KCNH1: variants seen among roughly 807,000 people sequenced by gnomAD.
KCNH1 encodes the protein potassium voltage-gated channel subfamily H member 1, also known as voltage-gated delayed rectifier potassium channel KCNH1.
In KCNH1, 27 loss-of-function variants were observed where a neutral mutation model predicts 69.2. The ratio of observed to expected loss-of-function variants is 0.39; its 90% confidence interval spans 0.29 to 0.54. KCNH1 has a LOEUF of 0.54. Ranked by LOEUF, KCNH1 falls within the 20% of genes least tolerant of loss-of-function variation. The pLI is 0.68. For missense variants in KCNH1, 798 were observed against 1,261.6 expected, an observed-to-expected ratio of 0.63 and a Z score of 5.57; for synonymous variants, 456 against 487.7, an observed-to-expected ratio of 0.93 and a Z score of 0.86.
At chr1:211,097,112 A>T (rs756171700) in intron 3 of KCNH1, among the ~76,000 whole-genome samples, 22 of 152,234 alleles carry the variant, frequency 1.4e-4, no homozygotes, top group Non-Finnish European at 2.5e-4. Context: ...AAACAAACCC[A>T]CATATGTGTG....
chr1:210,912,282 C>G (rs188867803), intron 7 of KCNH1, among the ~76,000 whole-genome samples: 6 of 152,146 alleles, frequency 3.9e-5, no homozygotes, highest in African/African-American at 1.2e-4. Context: ...TGTCCTGTCC[C>G]GTGAAGATCC....
At chr1:210,973,117 G>T (rs909324658) in intron 6 of KCNH1, among the ~76,000 whole-genome samples, 1 of 151,774 alleles carries the variant, frequency 6.6e-6, no homozygotes, top group Non-Finnish European at 1.5e-5. Flanking sequence ...TACCCTTTTA[G>T]CCCAACTTCT....
intron 7 of KCNH1, among the ~76,000 whole-genome samples, chr1:210,876,651 C>A (rs1355893324): frequency 6.6e-6 from 1 of 152,102 alleles, no homozygotes; most frequent in Non-Finnish European, 1.5e-5. Flanking sequence ...TTATAAGCTT[C>A]TCTTGAGAGG....
At chr1:210,839,110 A>G (rs942015626) in intron 7 of KCNH1, among the ~76,000 whole-genome samples, 11 of 152,198 alleles carry the variant, frequency 7.2e-5, no homozygotes, top group African/African-American at 2.4e-4. Flanking sequence ...ACATGCACGC[A>G]TATGTTCATT....
chr1:210,845,131 C>T (rs541124125), intron 7 of KCNH1, among the ~76,000 whole-genome samples: 2 of 152,122 alleles, frequency 1.3e-5, no homozygotes, highest in Non-Finnish European at 2.9e-5. Flanking sequence ...GGATTCACAG[C>T]CGAATTCTAC....
intron 5 of KCNH1, among the ~76,000 whole-genome samples, chr1:211,035,608 A>T (rs888416312): frequency 5.5e-4 from 84 of 152,144 alleles, no homozygotes; most frequent in Non-Finnish European, 1.3e-4. Context: ...GTCTTTATAT[A>T]AAAGGCTATG....
intron 6 of KCNH1, among the ~76,000 whole-genome samples, chr1:211,014,442 G>A (rs955828812): frequency 6.6e-6 from 1 of 152,170 alleles, no homozygotes; most frequent in East Asian, 1.9e-4. Flanking sequence ...GGAGAATGAC[G>A]CAAATGTAGC....
chr1:211,108,038 C>T (rs931519423), intron 1 of KCNH1, among the ~76,000 whole-genome samples: 21 of 152,162 alleles, frequency 1.4e-4, no homozygotes, highest in African/African-American at 3.1e-4. Context: ...GATTTTGAAA[C>T]GCAGCCACAG....
intron 10 of KCNH1, among the ~76,000 whole-genome samples, chr1:210,716,404 C>T (rs1303481785): frequency 7.3e-6 from 1 of 137,530 alleles, no homozygotes; most frequent in Non-Finnish European, 1.5e-5. Flanking sequence ...TGCACTATAG[C>T]CTGGGCGACA....
intron 6 of KCNH1, among the ~76,000 whole-genome samples, chr1:210,986,415 C>G (rs1475521735): frequency 6.6e-6 from 1 of 152,178 alleles, no homozygotes; most frequent in Non-Finnish European, 1.5e-5. Flanking sequence ...TTTGCAGTGG[C>G]TGGTACTGGT....
At chr1:210,860,862 T>G in intron 7 of KCNH1, 1 of 924,412 alleles carries the variant, frequency 1.1e-6, no homozygotes, top group South Asian at 1.3e-5. Flanking sequence ...AAGCCCTTGC[T>G]CTCATGTAGC....
chr1:210,862,322 A>G (rs1574302893), intron 7 of KCNH1: 2 of 746,578 alleles, frequency 2.7e-6, no homozygotes, highest in Non-Finnish European at 4.8e-6. Context: ...CTTGAGTGCT[A>G]CTGGGCCAGG....
At chr1:210,921,020 A>G (rs1236808544) in intron 6 of KCNH1, among the ~76,000 whole-genome samples, 1 of 152,196 alleles carries the variant, frequency 6.6e-6, no homozygotes, top group Non-Finnish European at 1.5e-5. Flanking sequence ...AAACCTGGAA[A>G]ATGGGGTCTG....
intron 7 of KCNH1, among the ~76,000 whole-genome samples, chr1:210,840,245 G>A (rs571854047): frequency 6.6e-6 from 1 of 151,888 alleles, no homozygotes; most frequent in East Asian, 1.9e-4. Flanking sequence ...CCTTTTGGGT[G>A]TTTTTGTTTT....
chr1:210,721,256 G>C (rs2149026650), intron 10 of KCNH1, among the ~76,000 whole-genome samples: 1 of 152,216 alleles, frequency 6.6e-6, no homozygotes, highest in East Asian at 1.9e-4. Flanking sequence ...GGTTCCTACA[G>C]TTAACCTGCA....
chr1:210,913,969 T>C lies in KCNH1; in HGVS notation c.1462+5671A>G, dbSNP rs141253712. On this transcript the variant is annotated intron_variant, in intron 7 of 10. Transcript: ENST00000271751. Reference sequence around the variant, plus strand: ...GACCAGCTTTCCCCTTCCTTTTCTTTCTACTTTCTGGAATAAGAACACATG... The same window carrying C: ...GACCAGCTTTCCCCTTCCTTTTCTTCCTACTTTCTGGAATAAGAACACATG... Among the ~76,000 whole-genome samples the C allele has an allele frequency of 3.3e-3, 501 of 152,276 alleles. 1 individual carries two copies. Among genetic ancestry groups the C allele is most frequent in the African/African-American group, 0.011 (476 of 41,552 alleles).
At chr1:211,028,902 T>C (rs886428732) in intron 5 of KCNH1, among the ~76,000 whole-genome samples, 1 of 152,114 alleles carries the variant, frequency 6.6e-6, no homozygotes, top group Non-Finnish European at 1.5e-5. Context: ...CACTTCTCAA[T>C]TCATTTTGTG....
At chr1:210,874,651 C>G in intron 7 of KCNH1, among the ~76,000 whole-genome samples, 1 of 152,136 alleles carries the variant, frequency 6.6e-6, no homozygotes, top group African/African-American at 2.4e-5. Flanking sequence ...AGAACCATGT[C>G]AGGCACAATA....
At chr1:210,943,858 G>T (rs1166911595) in intron 6 of KCNH1, among the ~76,000 whole-genome samples, 1 of 152,174 alleles carries the variant, frequency 6.6e-6, no homozygotes, top group Admixed American at 6.5e-5. Flanking sequence ...CAGGCAGAAT[G>T]GTGTCCTGGG....
Sources: allele counts gnomAD v4.1 joint callset (sites outside exome capture counted in the v4.1 genomes callset), GRCh38; gene constraint gnomAD v4.1.1; transcripts MANE v1.5; gene names NCBI Gene and HGNC (gene_info 2026-07-23, HGNC 2026-07-21).